CCDC30: variants seen among roughly 807,000 people sequenced by gnomAD.
CCDC30 encodes coiled-coil domain containing 30.
A neutral mutation model predicts 100.2 loss-of-function variants in CCDC30; 70 were observed. That is an observed-to-expected ratio of 0.70 (90% CI 0.58 to 0.85). The LOEUF (loss-of-function observed/expected upper bound fraction) is 0.85. Ranked by LOEUF, CCDC30 falls within the 40% of genes least tolerant of loss-of-function variation. The pLI is 0.00. For missense variants in CCDC30, 652 were observed against 771.2 expected (o/e 0.85, Z 1.83); for synonymous variants, 233 against 269.5 (o/e 0.86, Z 1.33).
intron 8 of CCDC30, chr1:42,580,966 G>C: frequency 2.3e-6 from 1 of 434,312 alleles, no homozygotes; most frequent in Non-Finnish European, 4.6e-6. Flanking sequence ...AGCTTCCTGA[G>C]TAGCTGGGAC....
At chr1:42,571,945 T>C (rs16829734) in intron 7 of CCDC30, among the ~76,000 whole-genome samples, 20,642 of 152,264 alleles carry the variant, frequency 0.14, 1,537 homozygotes, top group East Asian at 0.17. Context: ...AGATTCTTTC[T>C]TGAGTAGCAA....
intron 11 of CCDC30, among the ~76,000 whole-genome samples, chr1:42,613,783 C>T (rs1646672236): frequency 6.6e-6 from 1 of 152,144 alleles, no homozygotes; most frequent in African/African-American, 2.4e-5. Flanking sequence ...CTGGTTTTGG[C>T]TGGCTTCTTT....
rs932790440 is a variant in CCDC30, at chr1:42,476,722, C to G, written c.-91-3739C>G. Among the ~76,000 whole-genome samples the G allele has an allele frequency of 3.6e-5, 5 of 139,272 alleles. No homozygotes were observed. In the Admixed American group the frequency reaches 3.6e-4, roughly 10 times the overall value. 91.4% of individuals were successfully genotyped at this position (139,272 alleles called of 152,430 possible). ...AAAAAAAAGATAAAAAAATTAGGTG[C>G]TGTTATTATACTTATTATTATATAT... is the stretch of plus-strand genomic sequence containing the variant. On this transcript the variant is annotated intron_variant, in intron 1 of 16. Transcript: ENST00000668663.
chr1:42,631,942 A>AC (rs777921572), intron 11 of CCDC30, among the ~76,000 whole-genome samples: 8 of 151,976 alleles, frequency 5.3e-5, no homozygotes, highest in Non-Finnish European at 1.2e-4. Context: ...GGAATCATAG[A>AC]CCCCAAGAGC....
chr1:42,632,450 G>C (rs903925357), intron 11 of CCDC30, among the ~76,000 whole-genome samples: 1 of 150,720 alleles, frequency 6.6e-6, no homozygotes. Context: ...CTGGGCAACA[G>C]AGTGAGACTC....
chr1:42,504,830 A>G (rs1331632132), intron 6 of CCDC30, among the ~76,000 whole-genome samples: 1 of 152,190 alleles, frequency 6.6e-6, no homozygotes, highest in Non-Finnish European at 1.5e-5. Context: ...ATAAAATTTT[A>G]CCATACAAGA....
chr1:42,557,851 A>G (rs559227550), intron 6 of CCDC30, among the ~76,000 whole-genome samples: 1 of 151,444 alleles, frequency 6.6e-6, no homozygotes, highest in Admixed American at 6.6e-5. Context: ...GTTAGGCATC[A>G]TCTGGTCTTA....
chr1:42,503,789 C>T (rs1358620083), intron 6 of CCDC30, among the ~76,000 whole-genome samples: 1 of 152,138 alleles, frequency 6.6e-6, no homozygotes, highest in Non-Finnish European at 1.5e-5. Context: ...ACTTCCTTAC[C>T]CTCACTATCT....
At chr1:42,521,950 T>C (rs1010029436) in intron 6 of CCDC30, among the ~76,000 whole-genome samples, 2 of 152,094 alleles carry the variant, frequency 1.3e-5, no homozygotes, top group South Asian at 2.1e-4. Context: ...TTTTATCTTT[T>C]AGACTGTATA....
upstream of CCDC30, chr1:42,459,539 A>C: frequency 1.5e-6 from 2 of 1,331,888 alleles, no homozygotes; most frequent in Non-Finnish European, 2.1e-6. Context: ...TTAGTTTCCC[A>C]TGAGATTGAC....
the CCDC30 span, chr1:42,457,073 GGTGC>G: frequency 7.5e-6 from 12 of 1,593,178 alleles, no homozygotes; most frequent in Non-Finnish European, 1.0e-5. Flanking sequence ...CAATCCGCTA[GGTGC>G]GTGCCCTAGG....
At chr1:42,554,857 CTT>C (rs1645335920) in intron 6 of CCDC30, among the ~76,000 whole-genome samples, 1 of 152,040 alleles carries the variant, frequency 6.6e-6, no homozygotes, top group African/African-American at 2.4e-5. Flanking sequence ...CCTCCTCTTA[CTT>C]TCCCCTTTCT....
intron 11 of CCDC30, among the ~76,000 whole-genome samples, chr1:42,626,594 G>A (rs1044445175): frequency 3.3e-5 from 5 of 152,134 alleles, no homozygotes; most frequent in Non-Finnish European, 7.3e-5. Context: ...TGTGTCCGCA[G>A]CCAAATCTCA....
intron 4 of CCDC30, among the ~76,000 whole-genome samples, chr1:42,493,982 G>A (rs1644187766): frequency 6.6e-6 from 1 of 152,164 alleles, no homozygotes; most frequent in Non-Finnish European, 1.5e-5. Flanking sequence ...GGGAGGCCAA[G>A]GGGGGTGAAT....
intron 11 of CCDC30, among the ~76,000 whole-genome samples, chr1:42,617,647 C>T (rs1426673549): frequency 3.9e-5 from 6 of 152,096 alleles, no homozygotes; most frequent in Non-Finnish European, 7.4e-5. Flanking sequence ...AGGTCGAAGA[C>T]TAAATCACAG....
chr1:42,599,291 C>G (rs1293549356), intron 10 of CCDC30, among the ~76,000 whole-genome samples: 1 of 152,086 alleles, frequency 6.6e-6, no homozygotes, highest in Non-Finnish European at 1.5e-5. Flanking sequence ...TTAGGATTAT[C>G]TTCTTATTAT....
intron 12 of CCDC30, among the ~76,000 whole-genome samples, chr1:42,637,770 T>C (rs1421948078): frequency 6.6e-6 from 1 of 152,236 alleles, no homozygotes; most frequent in East Asian, 1.9e-4. Flanking sequence ...TAGGTGATCC[T>C]TACTCCTTTA....
At chr1:42,497,512 A>G (rs1644248351) in intron 5 of CCDC30, among the ~76,000 whole-genome samples, 1 of 152,228 alleles carries the variant, frequency 6.6e-6, no homozygotes, top group Non-Finnish European at 1.5e-5. Context: ...CATAGAAAAT[A>G]TTACTCTATT....
chr1:42,538,055 C>T (rs1298314397), intron 6 of CCDC30: 1 of 147,522 alleles, frequency 6.8e-6, no homozygotes, highest in Non-Finnish European at 1.5e-5. Flanking sequence ...CACAATGGCT[C>T]ACATCTGTAA....
Sources: allele counts gnomAD v4.1 joint callset (sites outside exome capture counted in the v4.1 genomes callset), GRCh38; gene constraint gnomAD v4.1.1; transcripts MANE v1.5; gene names NCBI Gene and HGNC (gene_info 2026-07-23, HGNC 2026-07-21).